The following KCNMA1 variants were observed in gnomAD, a reference collection of about 807,000 sequenced individuals.
The protein encoded by KCNMA1 is Calcium-activated potassium channel subunit alpha-1.
In KCNMA1, 29 loss-of-function variants were observed where a neutral mutation model predicts 140.0. The ratio of observed to expected loss-of-function variants is 0.21; its 90% CI spans 0.15 to 0.28. The LOEUF (loss-of-function observed/expected upper bound fraction) is 0.28, where lower values mean the gene tolerates loss of function less well. Among genes scored for constraint, KCNMA1 ranks in the 10% least tolerant of loss-of-function variants. The probability of loss-of-function intolerance (pLI) is 1.00; values close to 1 mark genes in which losing one functional copy is unlikely to be tolerated. For synonymous variants in KCNMA1, 612 were observed against 611.9 expected, an observed-to-expected ratio of 1.00 and a Z score of 0.00; for missense variants, 880 against 1,602.2, an observed-to-expected ratio of 0.55 and a Z score of 7.70.
intron 1 of KCNMA1, among the ~76,000 whole-genome samples, chr10:77,508,367 T>C (rs816834): frequency 0.096 from 14,070 of 146,750 alleles, 930 homozygotes; most frequent in African/African-American, 0.17. Context: ...GTAATTTTTG[T>C]AGAGATGGGG....
At chr10:76,942,944 T>G (rs570026600) in intron 23 of KCNMA1, among the ~76,000 whole-genome samples, 98 of 152,298 alleles carry the variant, frequency 6.4e-4, no homozygotes, top group African/African-American at 2.3e-3. Flanking sequence ...AAGGGCACAT[T>G]TGAGTTGCCT....
chr10:77,134,997 CAAAAAAAAAAAAAAAAAA>C lies in KCNMA1; in HGVS notation c.809-13967_809-13950del, dbSNP rs71028253. Among the ~76,000 whole-genome samples the C allele has an allele frequency of 7.6e-4, 9 of 11,770 alleles. 1 individual carries two copies. In the Admixed American group the frequency reaches 9.8e-3, roughly 13 times the overall value. 7.7% of individuals were successfully genotyped at this position (11,770 alleles called of 152,430 possible). On this transcript the variant is annotated intron_variant, in intron 5 of 27. Coordinates refer to ENST00000286628, the MANE Select transcript of KCNMA1 (RefSeq NM_001161352.2). The stretch of plus-strand genomic sequence containing the variant: ...TGGGAGACAGAGCAAGACTCTGTCT[CAAAAAAAAAAAAAAAAAA>C]AAAAAAAAAAAAAGGAAGAAAGAAT...
intron 21 of KCNMA1, among the ~76,000 whole-genome samples, chr10:76,950,897 T>C (rs1355983657): frequency 6.6e-6 from 1 of 152,130 alleles, no homozygotes; most frequent in Non-Finnish European, 1.5e-5. Flanking sequence ...GAAGACCCAC[T>C]GGGGAGCTCA....
In KCNMA1 at chr10:77,371,158, G is replaced by A. The variant is rs928978812; in HGVS notation, c.540+32704C>T. ...ACTTACCCAACACTGAACGAGACACGCTGGCTCCCTTTCCTTTATTTTGTT... is the reference window on the plus strand; with the variant it reads ...ACTTACCCAACACTGAACGAGACACACTGGCTCCCTTTCCTTTATTTTGTT... On this transcript the variant is annotated intron_variant, in intron 2 of 27. Transcript: ENST00000286628. Among the ~76,000 whole-genome samples, 4 of 152,246 alleles carry A rather than the reference G, an allele frequency of 2.6e-5. No homozygotes were observed. In the East Asian group the frequency reaches 5.8e-4, roughly 22 times the overall value.
At chr10:77,468,560 CAGGGAG>C (rs1244649903) in intron 1 of KCNMA1, among the ~76,000 whole-genome samples, 2 of 152,250 alleles carry the variant, frequency 1.3e-5, no homozygotes, top group East Asian at 3.9e-4. Flanking sequence ...GATACATACA[CAGGGAG>C]AAGAAGGCAG....
chr10:77,635,368 A>G (rs1031598174), intron 1 of KCNMA1: 5 of 152,198 alleles, frequency 3.3e-5, no homozygotes, highest in African/African-American at 1.2e-4. Flanking sequence ...AGTTTTCATT[A>G]TGATAAAAAT....
intron 1 of KCNMA1, among the ~76,000 whole-genome samples, chr10:77,434,572 G>A (rs188157178): frequency 1.6e-4 from 24 of 152,306 alleles, no homozygotes; most frequent in African/African-American, 5.8e-4. Flanking sequence ...ATTCAATGCT[G>A]CACATGGCAT....
At chr10:77,425,771 T>G (rs913651061) in intron 1 of KCNMA1, among the ~76,000 whole-genome samples, 5 of 152,132 alleles carry the variant, frequency 3.3e-5, no homozygotes, top group African/African-American at 1.2e-4. Context: ...AGGAGGACAT[T>G]TAAAAATGCA....
intron 2 of KCNMA1, among the ~76,000 whole-genome samples, chr10:77,386,076 G>A (rs2045449): frequency 0.21 from 31,743 of 152,156 alleles, 4,159 homozygotes; most frequent in Non-Finnish European, 0.3. Flanking sequence ...CAAGTTCCAA[G>A]GAGCACTCAC....
At chr10:77,500,900 G>A (rs1010051982) in intron 1 of KCNMA1, among the ~76,000 whole-genome samples, 3 of 152,206 alleles carry the variant, frequency 2.0e-5, no homozygotes, top group Non-Finnish European at 4.4e-5. Flanking sequence ...TGATGAGTCA[G>A]TACAGCACAG....
intron 1 of KCNMA1, among the ~76,000 whole-genome samples, chr10:77,616,542 A>G (rs1035090611): frequency 1.1e-4 from 17 of 152,226 alleles, no homozygotes; most frequent in African/African-American, 3.6e-4. Flanking sequence ...GCAGTGGCAC[A>G]TGCCTGTAAT....
chr10:77,092,100 A>G (rs1458966667), intron 9 of KCNMA1: 1 of 152,180 alleles, frequency 6.6e-6, no homozygotes, highest in Non-Finnish European at 1.5e-5. Flanking sequence ...CTCTCCTGCT[A>G]GGTTGATGAA....
In KCNMA1 at chr10:77,333,954, A is replaced by C; in HGVS notation, c.540+69908T>G. Among the ~76,000 whole-genome samples the C allele has an allele frequency of 1.3e-5, 2 of 152,186 alleles. 1 individual carries two copies. The highest frequency in any genetic ancestry group is 2.9e-5 in the Non-Finnish European group (2 of 68,034). ...AGGATTTCAGTATATGCAATTGTTGAGTGAATAAATGAATAAAGAAACATA... is the reference window on the plus strand; with the variant it reads ...AGGATTTCAGTATATGCAATTGTTGCGTGAATAAATGAATAAAGAAACATA... On this transcript the variant is annotated intron_variant, in intron 2 of 27. Transcript: ENST00000286628.
chr10:76,901,181 G>C (rs565741083), intron 25 of KCNMA1: 1 of 152,152 alleles, frequency 6.6e-6, no homozygotes, highest in African/African-American at 2.4e-5. Context: ...CCTATAAAAT[G>C]AGATAATTCT....
chr10:77,403,484 C>T (rs1475304416), intron 2 of KCNMA1, among the ~76,000 whole-genome samples: 1 of 152,166 alleles, frequency 6.6e-6, no homozygotes, highest in African/African-American at 2.4e-5. Flanking sequence ...CACACTCACT[C>T]AGCACTCCCC....
At chr10:77,503,125 C>G (rs1475524893) in intron 1 of KCNMA1, among the ~76,000 whole-genome samples, 1 of 152,190 alleles carries the variant, frequency 6.6e-6, no homozygotes, top group Non-Finnish European at 1.5e-5. Context: ...CACTTGGCAA[C>G]TCTATCAAAG....
At chr10:77,159,382 T>C (rs1406411370) in intron 5 of KCNMA1, among the ~76,000 whole-genome samples, 1 of 152,186 alleles carries the variant, frequency 6.6e-6, no homozygotes, top group East Asian at 1.9e-4. Flanking sequence ...CTTAGATAGA[T>C]GTTCCCTCAG....
chr10:77,419,633 A>G (rs1234745284), intron 1 of KCNMA1, among the ~76,000 whole-genome samples: 2 of 152,126 alleles, frequency 1.3e-5, no homozygotes, highest in South Asian at 2.1e-4. Flanking sequence ...CAAATTTTCT[A>G]TAATAATTTG....
At chr10:76,977,111 G>A (rs953724591) in intron 19 of KCNMA1, among the ~76,000 whole-genome samples, 4 of 152,010 alleles carry the variant, frequency 2.6e-5, no homozygotes, top group African/African-American at 4.8e-5. Context: ...GCCAACTTTC[G>A]GCTTTGTGGC....
Sources: allele counts gnomAD v4.1 joint callset (sites outside exome capture counted in the v4.1 genomes callset), GRCh38; gene constraint gnomAD v4.1.1; transcripts MANE v1.5; gene names NCBI Gene and HGNC (gene_info 2026-07-23, HGNC 2026-07-21).